Variants in NTRK3 observed in about 807,000 individuals in gnomAD.
NTRK3 encodes neurotrophic receptor tyrosine kinase 3.
In NTRK3, 24 loss-of-function variants were observed where a neutral mutation model predicts 91.7. That is an observed-to-expected ratio of 0.26 (90% CI 0.19 to 0.37). The LOEUF is 0.37. Ranked by LOEUF, NTRK3 falls within the 10% of genes least tolerant of loss-of-function variation. NTRK3 has a pLI of 1.00. For synonymous variants in NTRK3, 483 were observed against 404.0 expected (o/e 1.20, Z -2.34); for missense variants, 880 against 1,068.9 (o/e 0.82, Z 2.46).
intron 5 of NTRK3, among the ~76,000 whole-genome samples, chr15:88,176,799 G>C (rs1445730359): frequency 2.0e-5 from 3 of 152,214 alleles, no homozygotes; most frequent in Non-Finnish European, 4.4e-5. Context: ...TCCAGTGCGG[G>C]AGATAGAGTA....
intron 14 of NTRK3, among the ~76,000 whole-genome samples, chr15:87,952,322 C>T (rs2071208799): frequency 6.6e-6 from 1 of 152,168 alleles, no homozygotes; most frequent in Non-Finnish European, 1.5e-5. Flanking sequence ...TCCTAACGTG[C>T]TTAAAATCCA....
intron 17 of NTRK3, among the ~76,000 whole-genome samples, chr15:87,911,115 G>C (rs930960748): frequency 2.6e-5 from 4 of 152,166 alleles, no homozygotes; most frequent in African/African-American, 9.7e-5. Flanking sequence ...AAAGCCTTCA[G>C]AGCAAGATAA....
At chr15:87,990,504 C>G (rs1002673578) in intron 14 of NTRK3, among the ~76,000 whole-genome samples, 1 of 152,074 alleles carries the variant, frequency 6.6e-6, no homozygotes, top group African/African-American at 2.4e-5. Flanking sequence ...CCAGCCATGT[C>G]TTTTTATAAT....
chr15:88,019,637 C>T (rs986712520), intron 14 of NTRK3, among the ~76,000 whole-genome samples: 2 of 152,182 alleles, frequency 1.3e-5, no homozygotes, highest in African/African-American at 4.8e-5. Context: ...GAAAAGACAA[C>T]CCTGTGGGGC....
chr15:88,173,515 T>C (rs1028993008), intron 5 of NTRK3, among the ~76,000 whole-genome samples: 4 of 152,174 alleles, frequency 2.6e-5, no homozygotes, highest in South Asian at 2.1e-4. Flanking sequence ...CCATTCTCTA[T>C]GCTAAATACC....
chr15:87,887,668 A>C (rs1309995322), intron 17 of NTRK3, among the ~76,000 whole-genome samples: 1 of 152,210 alleles, frequency 6.6e-6, no homozygotes, highest in Admixed American at 6.5e-5. Context: ...TGTCTGGGAA[A>C]GGTAGTGGTC....
intron 3 of NTRK3, among the ~76,000 whole-genome samples, chr15:88,226,653 C>T (rs992995109): frequency 2.6e-5 from 4 of 152,246 alleles, no homozygotes; most frequent in African/African-American, 9.6e-5. Flanking sequence ...CTGGGCCGCA[C>T]GGCCCCTATG....
chr15:88,138,275 T>G (rs1044950411), intron 6 of NTRK3, among the ~76,000 whole-genome samples: 23 of 151,684 alleles, frequency 1.5e-4, no homozygotes, highest in African/African-American at 5.3e-4. Context: ...CCGGGCGTGG[T>G]GGTGGGCACC....
At chr15:88,066,864 T>G (rs1335177010) in intron 13 of NTRK3, among the ~76,000 whole-genome samples, 2 of 152,162 alleles carry the variant, frequency 1.3e-5, no homozygotes, top group Non-Finnish European at 2.9e-5. Flanking sequence ...AAATAATGAT[T>G]CACCTACACA....
chr15:88,207,374 A>G (rs2048881996), intron 3 of NTRK3, among the ~76,000 whole-genome samples: 1 of 152,238 alleles, frequency 6.6e-6, no homozygotes, highest in South Asian at 2.1e-4. Context: ...ACACCTTCTG[A>G]CTTCCTGCCC....
At chr15:87,860,326 T>G (rs1293729510) in exon 19 of NTRK3, 2 of 214,826 alleles carry the variant, frequency 9.3e-6, no homozygotes, top group Non-Finnish European at 1.9e-5. Context: ...ACTAATACAA[T>G]TTAAAAAAAT....
chr15:87,862,512 T>A, exon 19 of NTRK3: 1 of 227,502 alleles, frequency 4.4e-6, no homozygotes, highest in Non-Finnish European at 8.7e-6. Context: ...AAGGCAATAT[T>A]TATGATGAAA....
At chr15:88,162,210 C>A (rs147001756) in intron 5 of NTRK3, among the ~76,000 whole-genome samples, 1 of 152,174 alleles carries the variant, frequency 6.6e-6, no homozygotes, top group Non-Finnish European at 1.5e-5. Context: ...CACATTTTAG[C>A]TAGACAACTC....
intron 8 of NTRK3, 102 bp downstream of exon 8, chr15:88,136,364 GT>G: frequency 6.9e-7 from 1 of 1,452,270 alleles, no homozygotes; most frequent in Non-Finnish European, 9.6e-7. Flanking sequence ...AAGTCTATGT[GT>G]TTTTTCCTAT....
chr15:88,053,141 C>A (rs1046515335), intron 13 of NTRK3, among the ~76,000 whole-genome samples: 1 of 152,138 alleles, frequency 6.6e-6, no homozygotes, highest in Non-Finnish European at 1.5e-5. Flanking sequence ...AAGGGGAGGG[C>A]AACAGAATGT....
In NTRK3 at chr15:88,147,279, C is replaced by T. The variant is rs2042971351; in HGVS notation, c.464+56G>A. ...TGGTTCCACTGCTTGACACTCCTCC[C>T]CATCCACCCATTACCAGCACTTCAG... On this transcript the variant is annotated intron_variant, in intron 6 of 18. Transcript: ENST00000394480. 4.7e-6 allele frequency: 7 copies of T among 1,504,438 alleles called. No individual in the cohort carries two copies. In the South Asian group the frequency reaches 6.8e-5, roughly 15 times the overall value. The allele number at this position is 1,504,438 out of a possible 1,614,324, so 93.2% of individuals were successfully genotyped here. A position where few individuals can be genotyped will look rare whatever the true frequency, so the allele number is the denominator to read the frequency against.
At chr15:87,895,496 A>G (rs1195627965) in intron 17 of NTRK3, among the ~76,000 whole-genome samples, 1 of 152,076 alleles carries the variant, frequency 6.6e-6, no homozygotes, top group Admixed American at 6.5e-5. Flanking sequence ...TGACTTTGGC[A>G]TAACAAGGAA....
At chr15:88,246,847 A>T (rs2052874731) in intron 3 of NTRK3, among the ~76,000 whole-genome samples, 1 of 152,200 alleles carries the variant, frequency 6.6e-6, no homozygotes, top group Non-Finnish European at 1.5e-5. Flanking sequence ...CTCATAGAGG[A>T]GAGCTGACCT....
At chr15:88,000,516 G>C (rs1425378089) in intron 14 of NTRK3, among the ~76,000 whole-genome samples, 3 of 152,152 alleles carry the variant, frequency 2.0e-5, no homozygotes, top group African/African-American at 7.2e-5. Flanking sequence ...TCATCACCCT[G>C]TGTGCCTCTG....
Sources: gnomAD v4.1 joint callset for allele counts (sites outside exome capture counted in the v4.1 genomes callset) on GRCh38, gnomAD v4.1.1 for gene constraint, MANE v1.5 for transcripts, NCBI Gene and HGNC (gene_info 2026-07-23, HGNC 2026-07-21) for gene names.